The following CCDC150 variants were observed in gnomAD, a reference collection of about 807,000 sequenced individuals.
CCDC150 encodes the protein coiled-coil domain-containing protein 150.
In CCDC150, 151 loss-of-function variants were observed where a neutral mutation model predicts 156.5. That is an observed-to-expected ratio of 0.97 (90% CI 0.85 to 1.10). The LOEUF is 1.10. Among genes scored for constraint, CCDC150 ranks in the 50% least tolerant of loss-of-function variants. CCDC150 has a pLI of 0.00. For missense variants in CCDC150, 1,312 were observed against 1,268.1 expected (o/e 1.03, Z -0.53); for synonymous variants, 452 against 429.4 (o/e 1.05, Z -0.65).
intron 2 of CCDC150, among the ~76,000 whole-genome samples, chr2:196,647,322 C>T (rs1043508552): frequency 1.7e-4 from 26 of 152,048 alleles, no homozygotes; most frequent in African/African-American, 5.8e-4. Context: ...TAACATTTAA[C>T]ATTTTTATGC....
chr2:196,668,570 T>TA (rs1469904950), intron 7 of CCDC150, among the ~76,000 whole-genome samples: 1 of 152,172 alleles, frequency 6.6e-6, no homozygotes, highest in Non-Finnish European at 1.5e-5. Context: ...GCTAGGTGCA[T>TA]AATATTGAAT....
chr2:196,691,853 A>C (rs1695500307), intron 13 of CCDC150, among the ~76,000 whole-genome samples: 1 of 152,056 alleles, frequency 6.6e-6, no homozygotes, highest in African/African-American at 2.4e-5. Flanking sequence ...AGGAAGAAGA[A>C]TTGCTTGAAC....
chr2:196,676,289 TC>T (rs532737033), intron 11 of CCDC150, 22 bp downstream of exon 11: 18 of 1,611,198 alleles, frequency 1.1e-5, no homozygotes, highest in Non-Finnish European at 9.3e-6. Context: ...ATGGGCAACT[TC>T]TTATACATCT....
intron 5 of CCDC150, among the ~76,000 whole-genome samples, chr2:196,663,925 G>A (rs1026965300): frequency 4.6e-5 from 7 of 151,736 alleles, no homozygotes; most frequent in African/African-American, 1.7e-4. Flanking sequence ...CATTTCAATT[G>A]GAAAGGATCT....
intron 20 of CCDC150, among the ~76,000 whole-genome samples, chr2:196,720,901 A>G (rs1697841494): frequency 6.6e-6 from 1 of 152,150 alleles, no homozygotes; most frequent in Non-Finnish European, 1.5e-5. Context: ...ATGGTCTTAT[A>G]TGGTCTACAT....
At chr2:196,649,619 C>G (rs1692759423) in intron 2 of CCDC150, among the ~76,000 whole-genome samples, 1 of 152,188 alleles carries the variant, frequency 6.6e-6, no homozygotes. Flanking sequence ...ACACATATCT[C>G]AGAATGTATC....
intron 5 of CCDC150, among the ~76,000 whole-genome samples, chr2:196,660,747 T>C (rs969331915): frequency 3.9e-5 from 6 of 152,240 alleles, no homozygotes; most frequent in African/African-American, 1.4e-4. Flanking sequence ...TCCCCTGCTC[T>C]ATAGCTTATC....
At chr2:196,726,212 C>G in intron 22 of CCDC150, 113 bp downstream of exon 22, 1 of 1,217,550 alleles carries the variant, frequency 8.2e-7, no homozygotes, top group Non-Finnish European at 1.1e-6. Flanking sequence ...CCCCTTTGAT[C>G]AGCAGGCCAG....
chr2:196,698,143 T>C (rs1416317608), intron 14 of CCDC150, among the ~76,000 whole-genome samples: 1 of 152,198 alleles, frequency 6.6e-6, no homozygotes, highest in African/African-American at 2.4e-5. Context: ...GTTTCTAATT[T>C]CTTGTCTCCT....
rs1692544388 is a variant in CCDC150, at chr2:196,646,425, C to T, written c.97C>T (p.Gln33Ter). The change falls in exon 2 of 28, where the codon CAG becomes TAG. Residue 33 changes from glutamine to a stop codon, truncating the protein, a stop_gained. Coordinates refer to ENST00000389175, the MANE Select transcript of CCDC150 (RefSeq NM_001080539.2). LOFTEE classifies it high-confidence loss of function. The stretch of plus-strand genomic sequence containing the variant: ...AGCTTCTGAAACATTCACAGTACTT[C>T]AGCAAAGGATGAGAATAGTTGAGGA... Reference protein sequence around the residue: ...ATASETFTVLQQRMRIVEEQT... With the variant: ...ATASETFTVL The T allele has an allele frequency of 6.2e-7, 1 of 1,613,520 alleles. No homozygotes were observed. The highest frequency in any genetic ancestry group is 1.1e-5 in the South Asian group (1 of 91,074).
intron 22 of CCDC150, among the ~76,000 whole-genome samples, chr2:196,728,863 G>A (rs938471493): frequency 2.0e-5 from 3 of 152,122 alleles, no homozygotes; most frequent in Admixed American, 6.5e-5. Flanking sequence ...GAGGCTTAAG[G>A]TAGTTAATTG....
At chr2:196,706,514 T>A (rs1173927911) in intron 15 of CCDC150, among the ~76,000 whole-genome samples, 1 of 152,242 alleles carries the variant, frequency 6.6e-6, no homozygotes, top group African/African-American at 2.4e-5. Context: ...TTCTTTCTCT[T>A]GCCTGATTGC....
rs1309092222 is a variant in CCDC150, at chr2:196,730,891, A to G, written c.3015A>G (p.Lys1005=). The change falls in exon 26 of 28, where the codon AAA becomes AAG. Residue 1005 remains lysine (K), a synonymous_variant. Coordinates refer to ENST00000389175, the MANE Select transcript of CCDC150 (RefSeq NM_001080539.2). ...AAGAAACTGTCAGACACCTGAAGAA[A>G]TGTAAAGAGGCAACAGAGAATACGC... ...ELEETVRHLK[K]CKEATENTLK... is the part of the protein sequence containing the mutation. 1 of 1,601,538 alleles carries G rather than the reference A, an allele frequency of 6.2e-7. No individual in the cohort carries two copies. Among genetic ancestry groups the G allele is most frequent in the Admixed American group, 1.7e-5 (1 of 58,206 alleles).
At chr2:196,667,100 G>T in intron 7 of CCDC150, 2 of 479,256 alleles carry the variant, frequency 4.2e-6, no homozygotes, top group South Asian at 2.8e-5. Flanking sequence ...TGTGGACCTG[G>T]GAATATTTGG....
chr2:196,658,076 A>G (rs189779658), intron 4 of CCDC150, among the ~76,000 whole-genome samples: 2 of 152,296 alleles, frequency 1.3e-5, no homozygotes, highest in East Asian at 3.9e-4. Flanking sequence ...GATTTTTGAT[A>G]TGGAAGTGAC....
intron 7 of CCDC150, among the ~76,000 whole-genome samples, chr2:196,668,933 T>G (rs1694025210): frequency 6.6e-6 from 1 of 152,234 alleles, no homozygotes; most frequent in Non-Finnish European, 1.5e-5. Context: ...CTATATAAAA[T>G]ATCAGTTTTT....
intron 17 of CCDC150, chr2:196,713,012 A>T (rs2292944): frequency 4.0e-5 from 20 of 493,920 alleles, no homozygotes; most frequent in Non-Finnish European, 6.4e-5. Flanking sequence ...ATATTTGTGT[A>T]TCTATACCCC....
intron 13 of CCDC150, among the ~76,000 whole-genome samples, chr2:196,687,632 G>A (rs1374397207): frequency 1.3e-5 from 2 of 152,078 alleles, no homozygotes; most frequent in Admixed American, 6.6e-5. Flanking sequence ...TTTTGCTTTC[G>A]TTGCGATTGC....
chr2:196,716,896 G>A (rs112147764), intron 17 of CCDC150, among the ~76,000 whole-genome samples: 12 of 122,216 alleles, frequency 9.8e-5, no homozygotes, highest in South Asian at 2.7e-4. Flanking sequence ...TCGCTGTGTC[G>A]CCAGGCTGGA....
Sources: allele counts gnomAD v4.1 joint callset (sites outside exome capture counted in the v4.1 genomes callset), GRCh38; gene constraint gnomAD v4.1.1; transcripts MANE v1.5; gene names NCBI Gene and HGNC (gene_info 2026-07-23, HGNC 2026-07-21).